The following COL8A1 variants were observed in gnomAD, a reference collection of about 807,000 sequenced individuals.
COL8A1 encodes collagen alpha-1(VIII) chain.
COL8A1 carries 21 observed loss-of-function variants against 42.7 expected under a neutral mutation model. That is an observed-to-expected ratio of 0.49 (90% CI 0.35 to 0.71). COL8A1 has a LOEUF of 0.71. COL8A1 is among the 30% of genes least tolerant of loss of function. The probability of loss-of-function intolerance (pLI) is 0.01; values close to 1 mark genes in which losing one functional copy is unlikely to be tolerated. For synonymous variants in COL8A1, 367 were observed against 369.1 expected, an observed-to-expected ratio of 0.99 and a Z score of 0.06; for missense variants, 788 against 962.4, an observed-to-expected ratio of 0.82 and a Z score of 2.40.
At chr3:99,687,816 A>T (rs1939107690) in intron 1 of COL8A1, among the ~76,000 whole-genome samples, 1 of 152,238 alleles carries the variant, frequency 6.6e-6, no homozygotes, top group African/African-American at 2.4e-5. Context: ...ATAAATGTTT[A>T]TCATTTTGGC....
chr3:99,663,462 C>T lies in COL8A1; in HGVS notation c.-129+24798C>T, dbSNP rs998124817. ...TTGGGCTGCAAAATTCAAGCAAATA[C>T]CAGTTGTTTGGGGATTTTTTTTTTA... On this transcript the variant is annotated intron_variant, in intron 1 of 3. Transcript: ENST00000652472. Among the ~76,000 whole-genome samples, 6 of 152,084 alleles carry T rather than the reference C, an allele frequency of 3.9e-5. No homozygotes were observed. In the East Asian group the frequency reaches 9.6e-4, roughly 24 times the overall value.
intron 2 of COL8A1, among the ~76,000 whole-genome samples, chr3:99,762,267 G>A (rs1385111993): frequency 1.3e-5 from 2 of 152,084 alleles, no homozygotes; most frequent in Non-Finnish European, 2.9e-5. Context: ...ATTTTAGTGT[G>A]GGCTTTTTAA....
At chr3:99,655,790 T>C (rs1457488360) in intron 1 of COL8A1, among the ~76,000 whole-genome samples, 1 of 152,174 alleles carries the variant, frequency 6.6e-6, no homozygotes. Flanking sequence ...CTTTACTTCA[T>C]GAATAATGTT....
intron 1 of COL8A1, among the ~76,000 whole-genome samples, chr3:99,702,695 C>G (rs561440725): frequency 6.0e-4 from 92 of 152,258 alleles, no homozygotes; most frequent in African/African-American, 2.0e-3. Context: ...TACTCAGTAC[C>G]TGCTATGGGT....
intron 1 of COL8A1, among the ~76,000 whole-genome samples, chr3:99,649,476 G>C (rs570302785): frequency 1.3e-5 from 2 of 152,200 alleles, no homozygotes; most frequent in East Asian, 3.9e-4. Context: ...GTTCTAAAAA[G>C]GGACAATTTG....
chr3:99,719,133 A>C (rs558856417), intron 1 of COL8A1, among the ~76,000 whole-genome samples: 6 of 152,200 alleles, frequency 3.9e-5, no homozygotes, highest in Admixed American at 6.6e-5. Context: ...GATTAAACTG[A>C]GAAATATGTG....
At chr3:99,710,377 C>T (rs527299474) in intron 1 of COL8A1, among the ~76,000 whole-genome samples, 1 of 152,234 alleles carries the variant, frequency 6.6e-6, no homozygotes, top group South Asian at 2.1e-4. Context: ...TCTCCGTCCC[C>T]TCCAAGCACC....
chr3:99,646,750 C>A (rs550834011), intron 1 of COL8A1, among the ~76,000 whole-genome samples: 2 of 152,186 alleles, frequency 1.3e-5, no homozygotes, highest in African/African-American at 4.8e-5. Flanking sequence ...AAAGGCCAAA[C>A]AAGATCAAGG....
At chr3:99,714,098 A>C (rs1050046302) in intron 1 of COL8A1, among the ~76,000 whole-genome samples, 1 of 152,124 alleles carries the variant, frequency 6.6e-6, no homozygotes, top group Non-Finnish European at 1.5e-5. Context: ...TCCATGTTTT[A>C]AATGAGAGCC....
At chr3:99,765,607 C>G (rs1941449293) in intron 2 of COL8A1, among the ~76,000 whole-genome samples, 1 of 152,172 alleles carries the variant, frequency 6.6e-6, no homozygotes, top group Admixed American at 6.5e-5. Context: ...AAGCTTGGAA[C>G]ACTTCTTATT....
intron 1 of COL8A1, among the ~76,000 whole-genome samples, chr3:99,653,726 T>G (rs1368822465): frequency 1.3e-5 from 2 of 150,668 alleles, no homozygotes; most frequent in African/African-American, 2.4e-5. Flanking sequence ...TCCTTGAGGC[T>G]GCCAGCATCC....
At chr3:99,716,518 C>T (rs1939999763) in intron 1 of COL8A1, among the ~76,000 whole-genome samples, 2 of 151,934 alleles carry the variant, frequency 1.3e-5, no homozygotes, top group Admixed American at 1.3e-4. Flanking sequence ...AAATGTGCTA[C>T]AAAAAGGAAG....
chr3:99,778,130 C>T (rs73860469), intron 2 of COL8A1, among the ~76,000 whole-genome samples: 2,267 of 152,256 alleles, frequency 0.015, 55 homozygotes, highest in African/African-American at 0.052. Context: ...TAATAAAATG[C>T]TCATCTCCCC....
chr3:99,715,422 G>A (rs1267034179), intron 1 of COL8A1, among the ~76,000 whole-genome samples: 1 of 152,004 alleles, frequency 6.6e-6, no homozygotes, highest in African/African-American at 2.4e-5. Flanking sequence ...AGAGGAGAAT[G>A]AAGAATGATT....
rs1331247675 is a variant in COL8A1 at position 99,778,260 on chromosome 3, TG to T, written c.-3-12416del. On this transcript the variant is annotated intron_variant, in intron 2 of 3. Coordinates refer to ENST00000652472, the MANE Select transcript of COL8A1 (RefSeq NM_020351.4). ...ACAACAACAACAAAAATAACTAAGA[TG>T]GGGAGGGCCAACGACAGTGAGTTTT... Among the ~76,000 whole-genome samples the T allele has an allele frequency of 2.6e-5, 4 of 152,226 alleles. No homozygotes were observed. The East Asian group carries it at 7.7e-4, about 29-fold the overall frequency.
chr3:99,642,366 A>G (rs1352577734), intron 1 of COL8A1, among the ~76,000 whole-genome samples: 1 of 152,222 alleles, frequency 6.6e-6, no homozygotes, highest in Non-Finnish European at 1.5e-5. Context: ...TGTGTACTCA[A>G]ATTCATGAAG....
At chr3:99,757,294 C>T (rs1022102493) in intron 2 of COL8A1, among the ~76,000 whole-genome samples, 3 of 152,108 alleles carry the variant, frequency 2.0e-5, no homozygotes, top group Non-Finnish European at 2.9e-5. Context: ...TTTTCTTCCT[C>T]GGGGTGCAAC....
intron 2 of COL8A1, among the ~76,000 whole-genome samples, chr3:99,782,277 C>T (rs567748222): frequency 9.9e-5 from 15 of 152,220 alleles, no homozygotes; most frequent in African/African-American, 3.1e-4. Flanking sequence ...ATTATTCCAT[C>T]GCCAACTGTA....
intron 1 of COL8A1, among the ~76,000 whole-genome samples, chr3:99,723,003 T>G (rs1576448004): frequency 6.8e-6 from 1 of 147,078 alleles, no homozygotes; most frequent in African/African-American, 2.5e-5. Context: ...GAGACCAAAG[T>G]TGTGTGTGTG....
Sources: gnomAD v4.1 joint callset for allele counts (sites outside exome capture counted in the v4.1 genomes callset) on GRCh38, gnomAD v4.1.1 for gene constraint, MANE v1.5 for transcripts, NCBI Gene and HGNC (gene_info 2026-07-23, HGNC 2026-07-21) for gene names.